Variants in NDST4 observed in about 807,000 individuals in gnomAD.
NDST4 encodes the protein N-heparan sulfate sulfotransferase 4.
In NDST4, 63 loss-of-function variants were observed where a neutral mutation model predicts 100.8. That is an observed-to-expected ratio of 0.62 (90% confidence interval 0.51 to 0.77). The LOEUF is 0.77. Ranked by LOEUF, NDST4 falls within the 30% of genes least tolerant of loss-of-function variation. The pLI, the probability that NDST4 is intolerant of heterozygous loss-of-function variation, is 0.00. For missense variants in NDST4, 943 were observed against 1,018.4 expected (o/e 0.93, Z 1.01); for synonymous variants, 377 against 361.8 (o/e 1.04, Z -0.48).
At chr4:115,066,569 G>A (rs1270382631) in intron 2 of NDST4, among the ~76,000 whole-genome samples, 4 of 152,070 alleles carry the variant, frequency 2.6e-5, no homozygotes, top group African/African-American at 7.2e-5. Flanking sequence ...TTTCAAACAA[G>A]CAAAATTCTA....
intron 6 of NDST4, among the ~76,000 whole-genome samples, chr4:114,893,787 T>C (rs1724652241): frequency 6.6e-6 from 1 of 152,228 alleles, no homozygotes; most frequent in Non-Finnish European, 1.5e-5. Flanking sequence ...GCATTTGCTT[T>C]TGGCATTTTA....
intron 2 of NDST4, among the ~76,000 whole-genome samples, chr4:115,020,327 G>A (rs1053401831): frequency 8.6e-5 from 13 of 152,010 alleles, no homozygotes; most frequent in Admixed American, 3.9e-4. Flanking sequence ...ATATAGTTGC[G>A]GATAATTTGG....
chr4:114,976,812 A>C (rs561477805), intron 3 of NDST4, among the ~76,000 whole-genome samples: 5 of 151,976 alleles, frequency 3.3e-5, no homozygotes, highest in African/African-American at 1.2e-4. Context: ...AAAAGTATCT[A>C]TCTCATCAAC....
chr4:114,946,078 C>G (rs766880814), intron 4 of NDST4, among the ~76,000 whole-genome samples: 1 of 152,114 alleles, frequency 6.6e-6, no homozygotes, highest in Non-Finnish European at 1.5e-5. Flanking sequence ...TATTCTTGAC[C>G]CTGCTGAAGG....
At chr4:114,866,638 T>G (rs61344114) in intron 7 of NDST4, among the ~76,000 whole-genome samples, 1 of 152,076 alleles carries the variant, frequency 6.6e-6, no homozygotes, top group African/African-American at 2.4e-5. Flanking sequence ...CCAAACAAAG[T>G]CTCATTCTTT....
At chr4:114,986,832 A>ATATTTT in intron 2 of NDST4, among the ~76,000 whole-genome samples, 164 of 94,616 alleles carry the variant, frequency 1.7e-3, no homozygotes, top group Middle Eastern at 0.016. Flanking sequence ...ATATATATAT[A>ATATTTT]TTTTAATATA....
At chr4:115,048,692 C>T (rs1728516722) in intron 2 of NDST4, among the ~76,000 whole-genome samples, 1 of 151,720 alleles carries the variant, frequency 6.6e-6, no homozygotes, top group South Asian at 2.1e-4. Context: ...GGATGGAGAG[C>T]AGGGGCATGA....
At chr4:114,922,359 C>T (rs1725306512) in intron 6 of NDST4, among the ~76,000 whole-genome samples, 2 of 152,120 alleles carry the variant, frequency 1.3e-5, no homozygotes. Context: ...AGTAAACACA[C>T]CATGCATGCT....
intron 2 of NDST4, among the ~76,000 whole-genome samples, chr4:115,071,427 C>T (rs1729076261): frequency 6.6e-6 from 1 of 152,012 alleles, no homozygotes; most frequent in African/African-American, 2.4e-5. Flanking sequence ...AGTCCAGTTA[C>T]AAACATAACC....
intron 1 of NDST4, among the ~76,000 whole-genome samples, chr4:115,093,230 T>C (rs559062306): frequency 1.4e-3 from 217 of 152,126 alleles, no homozygotes; most frequent in African/African-American, 2.9e-3. Context: ...AATCTCAGCA[T>C]TTTGGGAGGC....
At chr4:115,103,209 A>C (rs189467944) in intron 1 of NDST4, among the ~76,000 whole-genome samples, 30 of 152,264 alleles carry the variant, frequency 2.0e-4, no homozygotes, top group Admixed American at 3.9e-4. Context: ...ATGGAAAATA[A>C]ACTCTTTCTA....
intron 2 of NDST4, among the ~76,000 whole-genome samples, chr4:115,049,367 A>G (rs146598790): frequency 3.0e-4 from 45 of 152,140 alleles, no homozygotes; most frequent in Middle Eastern, 3.4e-3. Context: ...ACATAGGCAA[A>G]TTGAGGATTC....
chr4:114,896,618 G>T (rs887527466), intron 6 of NDST4, among the ~76,000 whole-genome samples: 1 of 121,996 alleles, frequency 8.2e-6, no homozygotes, highest in African/African-American at 3.7e-5. Context: ...GTGAGACTCC[G>T]TCTCAAAAAA....
intron 1 of NDST4, among the ~76,000 whole-genome samples, chr4:115,088,824 A>G (rs913782721): frequency 6.6e-6 from 1 of 152,034 alleles, no homozygotes; most frequent in Admixed American, 6.6e-5. Flanking sequence ...ATCAGTTCTT[A>G]TTCATTTTTA....
At chr4:114,842,307 AAAGG>A (rs1160349466) in intron 10 of NDST4, among the ~76,000 whole-genome samples, 6 of 151,986 alleles carry the variant, frequency 3.9e-5, no homozygotes, top group Admixed American at 3.9e-4. Context: ...CAGGCTTCTC[AAAGG>A]AAGGAGAGAC....
intron 6 of NDST4, among the ~76,000 whole-genome samples, chr4:114,931,132 T>C (rs948986288): frequency 6.6e-6 from 1 of 151,976 alleles, no homozygotes; most frequent in Non-Finnish European, 1.5e-5. Context: ...ATTATGATTT[T>C]TAATTTTTGG....
chr4:115,059,377 T>A lies in NDST4; in HGVS notation c.978+16682A>T, dbSNP rs186669852. ...CATGCAAAATATCTCCTCTCCACAC[T>A]GTGATTACCTTCATATGGAAAAGGG... On this transcript the variant is annotated intron_variant, in intron 2 of 13. Transcript: ENST00000264363. Among the ~76,000 whole-genome samples, 521 of 152,222 alleles carry A rather than the reference T, an allele frequency of 3.4e-3. 5 individuals are homozygous for A. Among genetic ancestry groups the A allele is most frequent in the African/African-American group, 0.012 (502 of 41,566 alleles).
At chr4:114,953,415 C>A (rs1473225405) in intron 4 of NDST4, among the ~76,000 whole-genome samples, 1 of 152,048 alleles carries the variant, frequency 6.6e-6, no homozygotes, top group Non-Finnish European at 1.5e-5. Context: ...AGTTATCAAT[C>A]TTACAAACTT....
intron 2 of NDST4, among the ~76,000 whole-genome samples, chr4:115,032,938 A>C (rs1465963828): frequency 4.6e-5 from 7 of 151,690 alleles, no homozygotes; most frequent in African/African-American, 1.5e-4. Context: ...GATTCCTTTG[A>C]ATTCGTATGT....
Sources: gnomAD v4.1 joint callset for allele counts (sites outside exome capture counted in the v4.1 genomes callset) on GRCh38, gnomAD v4.1.1 for gene constraint, MANE v1.5 for transcripts, NCBI Gene and HGNC (gene_info 2026-07-23, HGNC 2026-07-21) for gene names.